XIRP2: variants seen among roughly 807,000 people sequenced by gnomAD.
The protein encoded by XIRP2 is xin actin-binding repeat-containing protein 2.
In XIRP2, 236 loss-of-function variants were observed where a neutral mutation model predicts 277.0. The observed-to-expected ratio is 0.85, with a 90% confidence interval of 0.77 to 0.95. The LOEUF is 0.95. Among genes scored for constraint, XIRP2 ranks in the 40% least tolerant of loss-of-function variants. The probability of loss-of-function intolerance (pLI) is 0.00; values close to 1 mark genes in which losing one functional copy is unlikely to be tolerated. For synonymous variants in XIRP2, 1,490 were observed against 1,416.5 expected (o/e 1.05, Z -1.17); for missense variants, 4,640 against 4,157.5 (o/e 1.12, Z -3.19).
rs1172617615 is a variant in XIRP2, at chr2:167,040,055, C to T, written c.409-95854C>T. On this transcript the variant is annotated intron_variant, in intron 2 of 10. Transcript: ENST00000409195. ...TAATATGGATTGCTATGTATTGCAA[C>T]AAAATAAACTGAAAGGAGATTATCA... Among the ~76,000 whole-genome samples the T allele has an allele frequency of 2.0e-5, 3 of 151,796 alleles. No homozygotes were observed. The East Asian group carries it at 5.8e-4, about 29-fold the overall frequency.
intron 2 of XIRP2, among the ~76,000 whole-genome samples, chr2:167,011,962 T>G (rs1687691360): frequency 1.3e-5 from 2 of 152,114 alleles, no homozygotes; most frequent in Admixed American, 6.6e-5. Context: ...TTCTTCTCTC[T>G]TTTCTTCTTT....
Position 167,251,257 on chromosome 2 carries a change from A to T in XIRP2, c.9865A>T (p.Ser3289Cys). Residue 3289 changes from serine to cysteine, a missense_variant, in exon 9 of 11, where the codon AGT (serine) becomes TGT (cysteine). Physicochemically the swap from Ser to Cys is moderately radical, Grantham distance 112 (BLOSUM62 -1). Transcript: ENST00000409195. Reference protein sequence around the residue: ...STDHMVPDTESYDAVEIIRKV... With the variant: ...STDHMVPDTECYDAVEIIRKV... ...TGATCACATGGTGCCCGACACTGAA[A>T]GTTATGATGCAGTTGAAATCATCCG... 1 of 1,613,646 alleles carries T rather than the reference A, an allele frequency of 6.2e-7. No homozygotes were observed. Among genetic ancestry groups the T allele is most frequent in the Non-Finnish European group, 8.5e-7 (1 of 1,179,696 alleles).
intron 2 of XIRP2, among the ~76,000 whole-genome samples, chr2:167,094,030 C>A (rs1690223658): frequency 6.6e-6 from 1 of 151,620 alleles, no homozygotes; most frequent in South Asian, 2.1e-4. Flanking sequence ...GAGATGGTAT[C>A]TCATTGTGAT....
rs775965854 is a variant in XIRP2 at position 167,248,775 on chromosome 2, G to A, written c.7383G>A (p.Lys2461=). Reference sequence around the variant, plus strand: ...TGGAATGTAAAATTACTACCTCAAAGGATCAGAAAAAAGTAATGGTGATGA... The same window carrying A: ...TGGAATGTAAAATTACTACCTCAAAAGATCAGAAAAAAGTAATGGTGATGA... ...SDMECKITTS[K]DQKKVMVMTS... The change falls in exon 9 of 11, where the codon AAG becomes AAA. Residue 2461 remains lysine (K), a synonymous_variant. Transcript: ENST00000409195. 7 of 1,613,592 alleles carry A rather than the reference G, an allele frequency of 4.3e-6. No individual in the cohort carries two copies. Among genetic ancestry groups the A allele is most frequent in the South Asian group, 1.1e-5 (1 of 91,070 alleles).
Position 167,240,721 on chromosome 2 carries a change from T to C in XIRP2, c.1027T>C (p.Tyr343His), listed in dbSNP as rs1559035882. 6.2e-7 allele frequency: 1 copy of C among 1,613,728 alleles called. No individual in the cohort carries two copies. The highest frequency in any genetic ancestry group is 8.5e-7 in the Non-Finnish European group (1 of 1,179,698). The part of the protein sequence containing the change: ...EVNQASQFHQ[Y>H]VQETVIDTPE... ...AAACCAAGCATCTCAGTTTCATCAA[T>C]ATGTTCAAGAAACTGGTAAGAGTCT... Residue 343 changes from tyrosine to histidine, a missense_variant, in exon 7 of 11, where the codon TAT becomes CAT. Coordinates refer to ENST00000409195, the MANE Select transcript of XIRP2 (RefSeq NM_152381.6).
intron 3 of XIRP2, among the ~76,000 whole-genome samples, chr2:167,158,983 A>G (rs887169195): frequency 5.3e-5 from 8 of 152,174 alleles, no homozygotes; most frequent in Non-Finnish European, 1.0e-4. Flanking sequence ...AGGAGGGGAA[A>G]GAGTTCCCAA....
At chr2:166,963,319 C>A (rs1686346225) in intron 2 of XIRP2, among the ~76,000 whole-genome samples, 2 of 151,790 alleles carry the variant, frequency 1.3e-5, no homozygotes, top group East Asian at 3.9e-4. Context: ...TTTATTCATT[C>A]ATTCATTCGT....
At chr2:167,039,659 G>A (rs989871367) in intron 2 of XIRP2, among the ~76,000 whole-genome samples, 11 of 152,168 alleles carry the variant, frequency 7.2e-5, no homozygotes, top group African/African-American at 2.7e-4. Context: ...TGAAAGTCAA[G>A]GCTGATAGAC....
chr2:167,255,533 A>G (rs1695631662), intron 10 of XIRP2, among the ~76,000 whole-genome samples: 1 of 151,734 alleles, frequency 6.6e-6, no homozygotes, highest in Non-Finnish European at 1.5e-5. Flanking sequence ...ACTTTTCTCC[A>G]TTCCCATAGC....
At chr2:167,081,559 T>A (rs1689737808) in intron 2 of XIRP2, among the ~76,000 whole-genome samples, 1 of 152,216 alleles carries the variant, frequency 6.6e-6, no homozygotes, top group South Asian at 2.1e-4. Flanking sequence ...AATAGTCAGA[T>A]TAATTAAAAA....
chr2:167,198,760 CA>C (rs1444842423), intron 3 of XIRP2, among the ~76,000 whole-genome samples: 1 of 152,176 alleles, frequency 6.6e-6, no homozygotes, highest in Non-Finnish European at 1.5e-5. Flanking sequence ...ATTATTTCAG[CA>C]TTTTCACTTT....
At chr2:167,020,246 C>G (rs1230738405) in intron 2 of XIRP2, among the ~76,000 whole-genome samples, 2 of 151,968 alleles carry the variant, frequency 1.3e-5, no homozygotes, top group African/African-American at 4.8e-5. Flanking sequence ...CTATCGGGAT[C>G]TTTCAGGCCA....
chr2:167,057,639 A>G (rs762357860), intron 2 of XIRP2, among the ~76,000 whole-genome samples: 1 of 152,170 alleles, frequency 6.6e-6, no homozygotes, highest in Non-Finnish European at 1.5e-5. Context: ...TACAATAGCC[A>G]TTTTCTTGGC....
chr2:166,960,250 A>G (rs1361999311), intron 2 of XIRP2, among the ~76,000 whole-genome samples: 1 of 151,492 alleles, frequency 6.6e-6, no homozygotes, highest in Non-Finnish European at 1.5e-5. Flanking sequence ...AAATAAAAAA[A>G]TAAGTGGAAA....
Position 167,087,716 on chromosome 2 carries a change from T to G in XIRP2, c.409-48193T>G, listed in dbSNP as rs1349808805. On this transcript the variant is annotated intron_variant, in intron 2 of 10. Transcript: ENST00000409195. ...AGTGACCCGATTTTCCAGGTGCGTC[T>G]GTCACCCCTTTCTTTGACTCGGAAA... Among the ~76,000 whole-genome samples the G allele has an allele frequency of 1.3e-5, 2 of 152,104 alleles. 1 individual carries two copies. Among genetic ancestry groups the G allele is most frequent in the African/African-American group, 4.8e-5 (2 of 41,444 alleles).
chr2:166,908,916 C>G (rs1251418398), intron 2 of XIRP2, among the ~76,000 whole-genome samples: 1 of 152,134 alleles, frequency 6.6e-6, no homozygotes, highest in Non-Finnish European at 1.5e-5. Flanking sequence ...TGTCAAAGAT[C>G]AGATGGTTGT....
chr2:167,239,788 C>A lies in XIRP2; in HGVS notation c.859-67C>A, dbSNP rs1172472339. 4 of 1,366,524 alleles carry A rather than the reference C, an allele frequency of 2.9e-6. No individual in the cohort carries two copies. The African/African-American group carries it at 4.5e-5, about 15-fold the overall frequency. 84.6% of individuals were successfully genotyped at this position (1,366,524 alleles called of 1,614,324 possible). On this transcript the variant is annotated intron_variant, in intron 5 of 10. Transcript: ENST00000409195. ...TTTTCAGAAATTGTCACTGAAATTG[C>A]ACAAATAAAAAAAGTTAAAATTTTT...
intron 2 of XIRP2, among the ~76,000 whole-genome samples, chr2:167,050,568 G>A (rs955107746): frequency 2.0e-5 from 3 of 151,960 alleles, no homozygotes; most frequent in Non-Finnish European, 2.9e-5. Context: ...GCACGGCAAG[G>A]GATGGCAGTC....
At chr2:167,154,576 AT>A (rs1269705628) in intron 3 of XIRP2, among the ~76,000 whole-genome samples, 3 of 152,020 alleles carry the variant, frequency 2.0e-5, no homozygotes, top group African/African-American at 7.2e-5. Flanking sequence ...ATCTGAATTA[AT>A]TTTTGTATAA....
Sources: allele counts gnomAD v4.1 joint callset (sites outside exome capture counted in the v4.1 genomes callset), GRCh38; gene constraint gnomAD v4.1.1; transcripts MANE v1.5; gene names NCBI Gene and HGNC (gene_info 2026-07-23, HGNC 2026-07-21).